ZBBX: variants seen among roughly 807,000 people sequenced by gnomAD.
ZBBX encodes zinc finger B-box domain-containing protein 1.
ZBBX carries 101 observed loss-of-function variants against 108.5 expected under a neutral mutation model. The ratio of observed to expected loss-of-function variants is 0.93; its 90% confidence interval spans 0.79 to 1.10. The LOEUF (loss-of-function observed/expected upper bound fraction) is 1.10, where lower values mean the gene tolerates loss of function less well. Ranked by LOEUF, ZBBX falls within the 50% of genes least tolerant of loss-of-function variation. The pLI, the probability that ZBBX is intolerant of heterozygous loss-of-function variation, is 0.00. For missense variants in ZBBX, 1,009 were observed against 941.4 expected (o/e 1.07, Z -0.94); for synonymous variants, 356 against 323.4 (o/e 1.10, Z -1.08).
chr3:167,374,234 T>C (rs1746607075), intron 2 of ZBBX, among the ~76,000 whole-genome samples: 2 of 152,146 alleles, frequency 1.3e-5, no homozygotes, highest in Non-Finnish European at 2.9e-5. Flanking sequence ...AAAATTTTAA[T>C]GATACTCTTT....
Position 167,406,416 on chromosome 3 carries a change from TCA to T in ZBBX, c.-446+1308_-446+1309del, listed in dbSNP as rs531427215. Among the ~76,000 whole-genome samples the T allele has an allele frequency of 5.9e-5, 9 of 152,262 alleles. 1 individual carries two copies. The South Asian group carries it at 1.9e-3, about 32-fold the overall frequency. On this transcript the variant is annotated intron_variant, in intron 1 of 21. Coordinates refer to the ZBBX transcript ENST00000455345. ...AATGTAAATGGTAGAGAAATCTAAA[TCA>T]CAGTCTTGTAAGATATTTCCAGCTG...
chr3:167,211,654 C>T, the ZBBX span, among the ~76,000 whole-genome samples: 1 of 152,074 alleles, frequency 6.6e-6, no homozygotes, highest in Non-Finnish European at 1.5e-5. Context: ...TTTGGAGAGT[C>T]TGAACTGACC....
At chr3:167,254,492 T>A (rs977289012) in intron 20 of ZBBX, among the ~76,000 whole-genome samples, 1 of 152,046 alleles carries the variant, frequency 6.6e-6, no homozygotes, top group Non-Finnish European at 1.5e-5. Flanking sequence ...TGATAAAGAG[T>A]ACACTATAAC....
chr3:167,374,485 G>GAAATATGAGTC (rs1389012575), intron 2 of ZBBX, among the ~76,000 whole-genome samples: 1 of 152,076 alleles, frequency 6.6e-6, no homozygotes, highest in Non-Finnish European at 1.5e-5. Flanking sequence ...AGCTTTTAAA[G>GAAATATGAGTC]AAATATGAGT....
chr3:167,395,716 A>G (rs1046303757), intron 1 of ZBBX, among the ~76,000 whole-genome samples: 1 of 152,018 alleles, frequency 6.6e-6, no homozygotes, highest in Non-Finnish European at 1.5e-5. Context: ...AAAACTGTGC[A>G]TACGGATTGA....
At chr3:167,274,608 C>A (rs1359996788) in intron 20 of ZBBX, among the ~76,000 whole-genome samples, 2 of 152,164 alleles carry the variant, frequency 1.3e-5, no homozygotes, top group Non-Finnish European at 2.9e-5. Flanking sequence ...TTTCTTGTTT[C>A]TCCTTGCCAA....
At chr3:167,210,859 T>G in the ZBBX span, among the ~76,000 whole-genome samples, 6 of 151,924 alleles carry the variant, frequency 3.9e-5, no homozygotes, top group African/African-American at 1.5e-4. Flanking sequence ...ACTTTCCCAC[T>G]CAAACAAAAG....
intron 12 of ZBBX, 80 bp from the exon 13 acceptor site, chr3:167,317,677 T>C: frequency 1.2e-6 from 1 of 843,348 alleles, no homozygotes; most frequent in South Asian, 1.8e-5. Flanking sequence ...GATTTATTTA[T>C]CAAATGAATG....
At chr3:167,245,337 T>G (rs1034921659) in intron 20 of ZBBX, among the ~76,000 whole-genome samples, 2 of 152,236 alleles carry the variant, frequency 1.3e-5, no homozygotes, top group Non-Finnish European at 2.9e-5. Flanking sequence ...CACTCCAGCC[T>G]GGGCGACAAA....
At chr3:167,305,184 T>C (rs1205407714) in intron 17 of ZBBX, among the ~76,000 whole-genome samples, 1 of 152,156 alleles carries the variant, frequency 6.6e-6, no homozygotes, top group Non-Finnish European at 1.5e-5. Context: ...ATTTCCTTAT[T>C]AGCCATCTTC....
intron 9 of ZBBX, among the ~76,000 whole-genome samples, chr3:167,344,488 T>A (rs1326785378): frequency 6.6e-6 from 1 of 151,804 alleles, no homozygotes; most frequent in East Asian, 1.9e-4. Flanking sequence ...CATCAAGGAC[T>A]TAAATGCCAT....
intron 4 of ZBBX, 54 bp from the exon 5 acceptor site, chr3:167,368,628 A>G (rs769207688): frequency 9.4e-5 from 134 of 1,428,592 alleles, no homozygotes; most frequent in Non-Finnish European, 1.2e-4. Context: ...AAGCCAAAAT[A>G]ATTTTATATA....
chr3:167,399,198 T>C (rs1398415092), intron 1 of ZBBX, among the ~76,000 whole-genome samples: 1 of 152,136 alleles, frequency 6.6e-6, no homozygotes, highest in Non-Finnish European at 1.5e-5. Flanking sequence ...AAATACTTTG[T>C]AGCAATAAAT....
chr3:167,375,858 A>T (rs899062056), intron 2 of ZBBX, among the ~76,000 whole-genome samples: 3 of 152,224 alleles, frequency 2.0e-5, no homozygotes, highest in African/African-American at 4.8e-5. Flanking sequence ...ACTACATTTT[A>T]AATAAGGTAG....
chr3:167,402,761 T>C (rs1253953094), intron 1 of ZBBX, among the ~76,000 whole-genome samples: 1 of 148,702 alleles, frequency 6.7e-6, no homozygotes, highest in Admixed American at 6.7e-5. Flanking sequence ...AGTTAAAAAT[T>C]ATATATCTGT....
the ZBBX span, among the ~76,000 whole-genome samples, chr3:167,225,354 C>T: frequency 6.6e-6 from 1 of 151,846 alleles, no homozygotes; most frequent in African/African-American, 2.4e-5. Context: ...CTTGTCTTCA[C>T]CATCATCACG....
At chr3:167,207,939 T>A in the ZBBX span, among the ~76,000 whole-genome samples, 4 of 152,106 alleles carry the variant, frequency 2.6e-5, no homozygotes, top group African/African-American at 9.7e-5. Flanking sequence ...ACTCTTGAAT[T>A]GCCTACACCA....
At chr3:167,206,515 TA>T in the ZBBX span, among the ~76,000 whole-genome samples, 1,404 of 151,040 alleles carry the variant, frequency 9.3e-3, 15 homozygotes, top group African/African-American at 0.024. Context: ...TAAAAATAAA[TA>T]AAAAAAATGT....
chr3:167,402,010 C>G (rs745533623), intron 1 of ZBBX, among the ~76,000 whole-genome samples: 6 of 152,034 alleles, frequency 3.9e-5, no homozygotes, highest in African/African-American at 1.4e-4. Context: ...GGATGCAGGA[C>G]GAGCAGAAGA....
Sources: allele counts gnomAD v4.1 joint callset (sites outside exome capture counted in the v4.1 genomes callset), GRCh38; gene constraint gnomAD v4.1.1; transcripts MANE v1.5; gene names NCBI Gene and HGNC (gene_info 2026-07-23, HGNC 2026-07-21).